The following PTPRD variants were observed in gnomAD, a reference collection of about 807,000 sequenced individuals.
PTPRD encodes the protein protein tyrosine phosphatase receptor type D, also known as receptor-type tyrosine-protein phosphatase delta.
Under a neutral mutation model 214.5 loss-of-function variants are expected in PTPRD, and 34 were observed. The ratio of observed to expected loss-of-function variants is 0.16; its 90% confidence interval spans 0.12 to 0.21. The LOEUF (loss-of-function observed/expected upper bound fraction) is 0.21. PTPRD is among the 10% of genes least tolerant of loss of function. The pLI, the probability that PTPRD is intolerant of heterozygous loss-of-function variation, is 1.00. For missense variants in PTPRD, 2,545 were observed against 2,398.7 expected, an observed-to-expected ratio of 1.06 and a Z score of -1.27; for synonymous variants, 1,128 against 845.7, an observed-to-expected ratio of 1.33 and a Z score of -5.79.
At chr9:9,521,282 T>C (rs1227056610) in intron 8 of PTPRD, among the ~76,000 whole-genome samples, 2 of 152,176 alleles carry the variant, frequency 1.3e-5, no homozygotes, top group Non-Finnish European at 2.9e-5. Flanking sequence ...CTCAATTTCG[T>C]GGTCTGCATT....
chr9:10,539,525 G>A (rs754461391), intron 2 of PTPRD, among the ~76,000 whole-genome samples: 2 of 152,134 alleles, frequency 1.3e-5, no homozygotes, highest in African/African-American at 2.4e-5. Flanking sequence ...CATGTTTTAT[G>A]TTTGACTGCT....
intron 12 of PTPRD, among the ~76,000 whole-genome samples, chr9:8,653,968 C>A (rs1189527514): frequency 6.6e-6 from 1 of 152,192 alleles, no homozygotes; most frequent in Non-Finnish European, 1.5e-5. Flanking sequence ...TCTTTAACAG[C>A]TACTTCCCCT....
chr9:9,174,028 T>C (rs1569558418), intron 10 of PTPRD, among the ~76,000 whole-genome samples: 1 of 152,078 alleles, frequency 6.6e-6, no homozygotes, highest in African/African-American at 2.4e-5. Context: ...TAAACCTCCA[T>C]GATAATGAGG....
chr9:10,098,044 G>T (rs914381452), intron 3 of PTPRD, among the ~76,000 whole-genome samples: 13 of 151,808 alleles, frequency 8.6e-5, no homozygotes, highest in African/African-American at 3.1e-4. Context: ...ACATGCACAC[G>T]TATGTTTATT....
intron 2 of PTPRD, among the ~76,000 whole-genome samples, chr9:10,412,795 G>T (rs1450933291): frequency 6.6e-6 from 1 of 151,756 alleles, no homozygotes; most frequent in African/African-American, 2.4e-5. Flanking sequence ...AGGATGCAAG[G>T]TTGCTTCAAC....
chr9:9,457,622 G>T (rs765696401), intron 8 of PTPRD, among the ~76,000 whole-genome samples: 7 of 152,008 alleles, frequency 4.6e-5, no homozygotes, highest in Non-Finnish European at 1.0e-4. Flanking sequence ...AGATTTCACT[G>T]TGATGTGAGT....
At position 8,321,487 on chromosome 9, in the gene PTPRD, G is replaced by GTGTATATATA. The variant is rs1168847469; in HGVS notation, c.5535-1522_5535-1521insTATATATACA. Among the ~76,000 whole-genome samples the GTGTATATATA allele has an allele frequency of 3.9e-3, 175 of 44,420 alleles. 1 individual carries two copies. Among genetic ancestry groups the GTGTATATATA allele is most frequent in the Non-Finnish European group, 5.6e-3 (144 of 25,740 alleles). 29.1% of individuals were successfully genotyped at this position (44,420 alleles called of 152,430 possible). Reference sequence around the variant, plus strand: ...TGTGTGTGTGTGTGTGTGTGTGTGTGTATATATATATATATATATATATAT... The same window carrying GTGTATATATA: ...TGTGTGTGTGTGTGTGTGTGTGTGTGTGTATATATATATATATATATATATATATATATAT... On this transcript the variant is annotated intron_variant, in intron 44 of 45. Coordinates refer to ENST00000381196, the MANE Select transcript of PTPRD (RefSeq NM_002839.4).
chr9:10,233,050 A>T (rs2099617040), intron 3 of PTPRD, among the ~76,000 whole-genome samples: 1 of 152,036 alleles, frequency 6.6e-6, no homozygotes, highest in Non-Finnish European at 1.5e-5. Flanking sequence ...GCATATGTGA[A>T]GCTCCTTGAC....
At chr9:8,599,612 CCTTTTTT>C (rs2094697863) in intron 14 of PTPRD, among the ~76,000 whole-genome samples, 1 of 55,130 alleles carries the variant, frequency 1.8e-5, no homozygotes, top group Non-Finnish European at 3.6e-5. Context: ...ACCCGCCCAC[CCTTTTTT>C]TTTTTTTTTT....
At chr9:9,320,823 C>T (rs1966104257) in intron 9 of PTPRD, among the ~76,000 whole-genome samples, 1 of 152,148 alleles carries the variant, frequency 6.6e-6, no homozygotes, top group Non-Finnish European at 1.5e-5. Context: ...AATGGGAGGG[C>T]TCAAATTTCT....
At chr9:10,293,280 C>T (rs1047960710) in intron 3 of PTPRD, among the ~76,000 whole-genome samples, 2 of 151,856 alleles carry the variant, frequency 1.3e-5, no homozygotes, top group Non-Finnish European at 2.9e-5. Flanking sequence ...AAAATCTGTA[C>T]TTCATTATCT....
chr9:10,293,415 G>C (rs528699504), intron 3 of PTPRD, among the ~76,000 whole-genome samples: 2 of 151,934 alleles, frequency 1.3e-5, no homozygotes, highest in Non-Finnish European at 2.9e-5. Context: ...CAATGTTTTA[G>C]AGGAGGAGAT....
intron 4 of PTPRD, among the ~76,000 whole-genome samples, chr9:10,027,837 A>G (rs1370624797): frequency 6.6e-6 from 1 of 152,186 alleles, no homozygotes; most frequent in East Asian, 1.9e-4. Context: ...ATTACCTCTT[A>G]CTTTGATATG....
At chr9:10,154,771 A>G (rs950707827) in intron 3 of PTPRD, among the ~76,000 whole-genome samples, 4 of 143,650 alleles carry the variant, frequency 2.8e-5, no homozygotes, top group Non-Finnish European at 4.5e-5. Flanking sequence ...AGGGTGGCCT[A>G]TTTCTAGGAT....
intron 11 of PTPRD, among the ~76,000 whole-genome samples, chr9:8,841,875 G>C (rs938082399): frequency 2.0e-5 from 3 of 152,018 alleles, no homozygotes; most frequent in African/African-American, 7.2e-5. Flanking sequence ...GCCAGGTGTG[G>C]TGGCGGACAC....
At chr9:9,473,212 T>C (rs951612329) in intron 8 of PTPRD, among the ~76,000 whole-genome samples, 5 of 152,308 alleles carry the variant, frequency 3.3e-5, no homozygotes, top group African/African-American at 1.2e-4. Flanking sequence ...TGAGAACACA[T>C]GAATGAAAAC....
At chr9:9,352,373 A>G (rs192193528) in intron 9 of PTPRD, among the ~76,000 whole-genome samples, 142 of 148,352 alleles carry the variant, frequency 9.6e-4, no homozygotes, top group African/African-American at 3.1e-3. Context: ...GTGTGTGTGT[A>G]TATATATATA....
At chr9:8,342,471 C>G (rs569409158) in intron 39 of PTPRD, among the ~76,000 whole-genome samples, 2 of 152,202 alleles carry the variant, frequency 1.3e-5, no homozygotes, top group East Asian at 3.9e-4. Flanking sequence ...TTATCAAACC[C>G]TTCAGGCTGA....
intron 5 of PTPRD, among the ~76,000 whole-genome samples, chr9:9,891,139 G>A (rs2073170445): frequency 6.6e-6 from 1 of 152,034 alleles, no homozygotes; most frequent in Admixed American, 6.6e-5. Flanking sequence ...AATGTAGACG[G>A]GATTGTAGTC....
Sources: allele counts gnomAD v4.1 joint callset (sites outside exome capture counted in the v4.1 genomes callset), GRCh38; gene constraint gnomAD v4.1.1; transcripts MANE v1.5; gene names NCBI Gene and HGNC (gene_info 2026-07-23, HGNC 2026-07-21).